The following XIRP2 variants were observed in gnomAD, a reference collection of about 807,000 sequenced individuals.
XIRP2 encodes xin actin binding repeat containing 2.
A neutral mutation model predicts 277.0 loss-of-function variants in XIRP2; 236 were observed. That is an observed-to-expected ratio of 0.85 (90% CI 0.77 to 0.95). XIRP2 has a LOEUF of 0.95. Among genes scored for constraint, XIRP2 ranks in the 40% least tolerant of loss-of-function variants. The pLI is 0.00. For missense variants in XIRP2, 4,640 were observed against 4,157.5 expected, an observed-to-expected ratio of 1.12 and a Z score of -3.19; for synonymous variants, 1,490 against 1,416.5, an observed-to-expected ratio of 1.05 and a Z score of -1.17.
intron 2 of XIRP2, among the ~76,000 whole-genome samples, chr2:166,953,982 T>G (rs1043605952): frequency 4.6e-5 from 7 of 151,956 alleles, no homozygotes; most frequent in Admixed American, 3.9e-4. Context: ...TCATAGGAAT[T>G]TTCCCCACAT....
chr2:166,983,209 C>T (rs1243717870), intron 2 of XIRP2, among the ~76,000 whole-genome samples: 1 of 152,074 alleles, frequency 6.6e-6, no homozygotes, highest in African/African-American at 2.4e-5. Flanking sequence ...TTTAAGTTTA[C>T]TAACCCTTTC....
chr2:167,018,370 A>G (rs1295833342), intron 2 of XIRP2, among the ~76,000 whole-genome samples: 1 of 152,030 alleles, frequency 6.6e-6, no homozygotes, highest in Non-Finnish European at 1.5e-5. Context: ...GTTCTTGAGA[A>G]GCAGACATCA....
At chr2:167,256,274 T>A (rs1206695519) in intron 10 of XIRP2, among the ~76,000 whole-genome samples, 1 of 151,642 alleles carries the variant, frequency 6.6e-6, no homozygotes, top group African/African-American at 2.4e-5. Context: ...CTATTTTTAT[T>A]ATCTGTCTCT....
At chr2:167,026,621 C>T (rs1190583785) in intron 2 of XIRP2, among the ~76,000 whole-genome samples, 1 of 152,084 alleles carries the variant, frequency 6.6e-6, no homozygotes, top group Non-Finnish European at 1.5e-5. Flanking sequence ...TTTACTGCTT[C>T]CTTCAGGAGC....
At chr2:167,161,275 T>C (rs542274201) in intron 3 of XIRP2, among the ~76,000 whole-genome samples, 5 of 152,348 alleles carry the variant, frequency 3.3e-5, no homozygotes, top group African/African-American at 9.6e-5. Context: ...AGTGGCCTTC[T>C]TCTCACAACT....
Position 167,259,327 on chromosome 2 carries a change from G to A in XIRP2, c.*1510G>A. On this transcript the variant is annotated 3_prime_UTR_variant, in exon 11 of 11. Coordinates refer to ENST00000409195, the MANE Select transcript of XIRP2 (RefSeq NM_152381.6). ...CAGAACAACTCACGGTGGAAGAGCAGATTAAAAGAAACAGGTGCTACAGTG... is the reference window on the plus strand; with the variant it reads ...CAGAACAACTCACGGTGGAAGAGCAAATTAAAAGAAACAGGTGCTACAGTG... 6.2e-7 allele frequency: 1 copy of A among 1,611,406 alleles called. No homozygotes were observed.
intron 3 of XIRP2, among the ~76,000 whole-genome samples, chr2:167,167,093 AC>A (rs1692542959): frequency 6.6e-6 from 1 of 152,036 alleles, no homozygotes; most frequent in African/African-American, 2.4e-5. Context: ...TACCCCTTTT[AC>A]CCCTTATAAA....
chr2:167,179,928 T>C (rs1458176171), intron 3 of XIRP2, among the ~76,000 whole-genome samples: 1 of 152,204 alleles, frequency 6.6e-6, no homozygotes, highest in Non-Finnish European at 1.5e-5. Context: ...ATTACAGGCA[T>C]GGGCCACTGC....
At chr2:167,103,393 CT>C (rs1690536911) in intron 2 of XIRP2, among the ~76,000 whole-genome samples, 1 of 152,096 alleles carries the variant, frequency 6.6e-6, no homozygotes, top group Non-Finnish European at 1.5e-5. Context: ...AAAAAACTTG[CT>C]TTAGTTTTAT....
chr2:167,156,330 C>T (rs544715072), intron 3 of XIRP2, among the ~76,000 whole-genome samples: 7 of 152,224 alleles, frequency 4.6e-5, no homozygotes, highest in South Asian at 2.1e-4. Context: ...TGATAGCAAC[C>T]GCTTAGGCAT....
chr2:167,257,349 C>T (rs560317440), intron 10 of XIRP2, among the ~76,000 whole-genome samples: 20 of 151,936 alleles, frequency 1.3e-4, no homozygotes, highest in Non-Finnish European at 2.4e-4. Flanking sequence ...ATAGATATTT[C>T]GAAAACTATG....
At chr2:167,222,921 T>G (rs1694475117) in intron 5 of XIRP2, among the ~76,000 whole-genome samples, 2 of 152,094 alleles carry the variant, frequency 1.3e-5, no homozygotes, top group African/African-American at 4.8e-5. Context: ...ATACCATAAC[T>G]TTCACCCATT....
chr2:166,987,111 A>G (rs1308154130), intron 2 of XIRP2, among the ~76,000 whole-genome samples: 2 of 152,104 alleles, frequency 1.3e-5, no homozygotes, highest in Non-Finnish European at 2.9e-5. Flanking sequence ...TTTCCTCTTA[A>G]CATCTAGCTC....
chr2:166,939,919 T>C (rs977918041), intron 2 of XIRP2, among the ~76,000 whole-genome samples: 3 of 152,134 alleles, frequency 2.0e-5, no homozygotes, highest in Admixed American at 6.5e-5. Context: ...CTGACAATTA[T>C]GTGTCTTGGA....
chr2:167,232,852 TG>T (rs1694799970), intron 5 of XIRP2, among the ~76,000 whole-genome samples: 1 of 151,894 alleles, frequency 6.6e-6, no homozygotes, highest in Non-Finnish European at 1.5e-5. Flanking sequence ...CTCTAGAGGC[TG>T]GGCCTTAGAT....
rs1221356104 is a variant in XIRP2 at position 167,247,184 on chromosome 2, A to C, written c.5792A>C (p.Glu1931Ala). The change falls in exon 9 of 11, where the codon GAA (glutamate) becomes GCA (alanine). Residue 1931 changes from glutamate (E) to alanine (A), a missense_variant. Coordinates refer to ENST00000409195, the MANE Select transcript of XIRP2 (RefSeq NM_152381.6). ...GAAACATCACTAAGGTCTTTGAAAG[A>C]AGCACAAAGAAGTTTCAAAGAGGTA... The part of the protein sequence containing the change: ...DLETSLRSLK[E>A]AQRSFKEVHK... The C allele has an allele frequency of 1.2e-6, 2 of 1,613,602 alleles. No homozygotes were observed. The highest frequency in any genetic ancestry group is 3.3e-5 in the Admixed American group (2 of 59,940).
Position 167,006,824 on chromosome 2 carries a change from C to G in XIRP2, c.408+102934C>G, listed in dbSNP as rs150544446. 1.9e-3 allele frequency among the ~76,000 whole-genome samples: 287 copies of G among 151,824 alleles called. 2 individuals are homozygous for G. The highest frequency in any genetic ancestry group is 6.6e-3 in the African/African-American group (272 of 41,494). The stretch of plus-strand genomic sequence containing the variant: ...CTTCTTTGAGTAATATTCTGGCAAT[C>G]CTAAAGATTTAAGTCTGTAAACCTT... On this transcript the variant is annotated intron_variant, in intron 2 of 10. Coordinates refer to ENST00000409195, the MANE Select transcript of XIRP2 (RefSeq NM_152381.6).
chr2:167,076,327 T>C (rs1028152024), intron 2 of XIRP2, among the ~76,000 whole-genome samples: 1 of 152,180 alleles, frequency 6.6e-6, no homozygotes, highest in Non-Finnish European at 1.5e-5. Flanking sequence ...TGCTAATACA[T>C]CAAGCTTAAA....
rs77278822 is a variant in XIRP2 at position 167,218,196 on chromosome 2, C to T, written c.754C>T (p.Pro252Ser). 5,313 of 1,605,430 alleles carry T rather than the reference C, an allele frequency of 3.3e-3. 216 individuals carry two copies. In the East Asian group the frequency reaches 0.09, roughly 27 times the overall value. The change falls in exon 5 of 11, where the codon CCT becomes TCT. Residue 252 changes from proline (P) to serine (S), a missense_variant. Transcript: ENST00000409195. ...MMEESEMCAV[P>S]GGLAKVKKQF... The stretch of plus-strand genomic sequence containing the variant: ...GGAAGAATCAGAAATGTGCGCAGTG[C>T]CTGGTGGTTTGGCCAAGGTGAAGAA...
Sources: gnomAD v4.1 joint callset for allele counts (sites outside exome capture counted in the v4.1 genomes callset) on GRCh38, gnomAD v4.1.1 for gene constraint, MANE v1.5 for transcripts, NCBI Gene and HGNC (gene_info 2026-07-23, HGNC 2026-07-21) for gene names.